The following DCHS2 variants were observed in gnomAD, a reference collection of about 807,000 sequenced individuals.
DCHS2 encodes the protein dachsous cadherin-related 2, also known as protocadherin-23.
A neutral mutation model predicts 182.4 loss-of-function variants in DCHS2; 142 were observed. The observed-to-expected ratio is 0.78, with a 90% CI of 0.68 to 0.89. DCHS2 has a LOEUF of 0.89. Ranked by LOEUF, DCHS2 falls within the 40% of genes least tolerant of loss-of-function variation. The pLI is 0.00. For missense variants in DCHS2, 4,319 were observed against 4,198.6 expected (o/e 1.03, Z -0.79); for synonymous variants, 1,740 against 1,663.3 (o/e 1.05, Z -1.12).
chr4:154,397,007 G>A (rs185328842), intron 1 of DCHS2, among the ~76,000 whole-genome samples: 1 of 152,266 alleles, frequency 6.6e-6, no homozygotes, highest in East Asian at 1.9e-4. Flanking sequence ...CCTAAGACAA[G>A]AAAGGCATCC....
intron 10 of DCHS2, among the ~76,000 whole-genome samples, chr4:154,313,786 G>T (rs1458277112): frequency 6.6e-6 from 1 of 152,104 alleles, no homozygotes; most frequent in Non-Finnish European, 1.5e-5. Flanking sequence ...AAATATGTAA[G>T]GTTACATGAG....
intron 1 of DCHS2, among the ~76,000 whole-genome samples, chr4:154,417,882 GTT>G (rs1732940208): frequency 6.6e-6 from 1 of 152,112 alleles, no homozygotes; most frequent in Admixed American, 6.5e-5. Context: ...AACAAACTAA[GTT>G]AATTAAAATT....
At chr4:154,365,735 G>A (rs1025495420) in intron 3 of DCHS2, among the ~76,000 whole-genome samples, 6 of 151,418 alleles carry the variant, frequency 4.0e-5, no homozygotes, top group Admixed American at 6.6e-5. Flanking sequence ...CTGCAACCTC[G>A]GTTTCCCAGG....
At chr4:154,260,872 A>C (rs997824245) in intron 14 of DCHS2, among the ~76,000 whole-genome samples, 4 of 152,208 alleles carry the variant, frequency 2.6e-5, no homozygotes, top group African/African-American at 9.6e-5. Context: ...CTCATATAAA[A>C]GGCAGATCCA....
intron 6 of DCHS2, among the ~76,000 whole-genome samples, chr4:154,329,031 A>G (rs1188556116): frequency 6.6e-6 from 1 of 152,224 alleles, no homozygotes; most frequent in Admixed American, 6.5e-5. Flanking sequence ...AGACAAATGA[A>G]AAAGATGAGA....
At chr4:154,312,754 A>G (rs1047523802) in intron 10 of DCHS2, among the ~76,000 whole-genome samples, 4 of 152,194 alleles carry the variant, frequency 2.6e-5, no homozygotes, top group Non-Finnish European at 4.4e-5. Flanking sequence ...AATGCCATAG[A>G]TTCAGATATT....
intron 1 of DCHS2, among the ~76,000 whole-genome samples, chr4:154,387,181 G>T (rs1731458710): frequency 6.6e-6 from 1 of 152,156 alleles, no homozygotes; most frequent in South Asian, 2.1e-4. Context: ...TGAAGAATGA[G>T]TTTAAGCAAC....
chr4:154,384,585 A>G (rs1347557181), intron 1 of DCHS2: 4 of 1,470,624 alleles, frequency 2.7e-6, no homozygotes, highest in African/African-American at 1.4e-5. Flanking sequence ...ATATGGCAAC[A>G]GACATGATTA....
intron 3 of DCHS2, chr4:154,343,358 T>G: frequency 9.2e-7 from 1 of 1,092,078 alleles, no homozygotes; most frequent in Non-Finnish European, 1.2e-6. Flanking sequence ...TTTTAAGTTC[T>G]GAAGCCAGGC....
At chr4:154,330,999 G>A (rs1395041393) in intron 5 of DCHS2, among the ~76,000 whole-genome samples, 1 of 152,106 alleles carries the variant, frequency 6.6e-6, no homozygotes, top group Non-Finnish European at 1.5e-5. Context: ...AGCTGGGGAT[G>A]GGCGACACCA....
At chr4:154,405,083 C>T (rs962539880) in intron 1 of DCHS2, among the ~76,000 whole-genome samples, 7 of 151,958 alleles carry the variant, frequency 4.6e-5, no homozygotes, top group African/African-American at 1.7e-4. Flanking sequence ...CCCCTCTCCA[C>T]TAAAAATACA....
intron 1 of DCHS2, among the ~76,000 whole-genome samples, chr4:154,441,918 T>A (rs545674430): frequency 1.2e-4 from 19 of 152,160 alleles, no homozygotes; most frequent in Non-Finnish European, 1.9e-4. Context: ...TTCTGGTGAG[T>A]GATATCACTG....
chr4:154,442,865 C>T (rs1260628815), intron 1 of DCHS2, among the ~76,000 whole-genome samples: 1 of 152,048 alleles, frequency 6.6e-6, no homozygotes, highest in Non-Finnish European at 1.5e-5. Context: ...ATAACTCATC[C>T]AGAACCCTGG....
At chr4:154,269,666 A>G (rs7666541) in intron 14 of DCHS2, among the ~76,000 whole-genome samples, 72,703 of 151,958 alleles carry the variant, frequency 0.48, 18,833 homozygotes, top group Non-Finnish European at 0.58. Flanking sequence ...ATCTTCAAAA[A>G]TTTGAAGGGC....
At chr4:154,282,268 G>T (rs773956444) in intron 13 of DCHS2, among the ~76,000 whole-genome samples, 1 of 151,954 alleles carries the variant, frequency 6.6e-6, no homozygotes, top group Non-Finnish European at 1.5e-5. Flanking sequence ...GAAAATAGTT[G>T]CAAGCCACAT....
intron 1 of DCHS2, among the ~76,000 whole-genome samples, chr4:154,414,549 G>A (rs1244527985): frequency 1.5e-5 from 2 of 131,890 alleles, no homozygotes; most frequent in African/African-American, 2.9e-5. Context: ...AAATTAGGCC[G>A]TAATTCAAGA....
rs545672831 is a variant in DCHS2, at chr4:154,415,848, T to G, written c.2053-38404A>C. Among the ~76,000 whole-genome samples, 562 of 152,286 alleles carry G rather than the reference T, an allele frequency of 3.7e-3. 3 individuals carry two copies. The highest frequency in any genetic ancestry group is 0.013 in the African/African-American group (529 of 41,566). On this transcript the variant is annotated intron_variant, in intron 1 of 19. Coordinates refer to ENST00000357232, the MANE Select transcript of DCHS2 (RefSeq NM_001358235.2). ...CTCCAAGGGAATTGATGGACAGACT[T>G]GTAGGAAGAAAACATAAATTCACTT...
chr4:154,258,856 C>T (rs560638311), intron 15 of DCHS2, among the ~76,000 whole-genome samples: 24 of 152,302 alleles, frequency 1.6e-4, no homozygotes, highest in Non-Finnish European at 2.9e-4. Context: ...AATGACCCTC[C>T]CTGTGGCTAA....
In DCHS2 at chr4:154,364,714, T is replaced by C. The variant is rs1243599845; in HGVS notation, c.2476+1496A>G. ...GGCTGGGTGAGAGGGCACACTCACA[T>C]AGCACATTAGATTTCCTGTGTAAAT... On this transcript the variant is annotated intron_variant, in intron 3 of 19. Coordinates refer to ENST00000357232, the MANE Select transcript of DCHS2 (RefSeq NM_001358235.2). 5.3e-5 allele frequency among the ~76,000 whole-genome samples: 8 copies of C among 152,262 alleles called. No homozygotes were observed. In the East Asian group the frequency reaches 7.7e-4, roughly 15 times the overall value.
Sources: allele counts gnomAD v4.1 joint callset (sites outside exome capture counted in the v4.1 genomes callset), GRCh38; gene constraint gnomAD v4.1.1; transcripts MANE v1.5; gene names NCBI Gene and HGNC (gene_info 2026-07-23, HGNC 2026-07-21).